PLCG2: variants seen among roughly 807,000 people sequenced by gnomAD.
The protein encoded by PLCG2 is 1-phosphatidylinositol 4,5-bisphosphate phosphodiesterase gamma-2.
A neutral mutation model predicts 175.6 loss-of-function variants in PLCG2; 69 were observed. The observed-to-expected ratio is 0.39, with a 90% CI of 0.32 to 0.48. The LOEUF (loss-of-function observed/expected upper bound fraction) is 0.48. PLCG2 is among the 20% of genes least tolerant of loss of function. The probability of loss-of-function intolerance (pLI) is 0.91; values close to 1 mark genes in which losing one functional copy is unlikely to be tolerated. For missense variants in PLCG2, 1,798 were observed against 1,650.9 expected (o/e 1.09, Z -1.54); for synonymous variants, 827 against 624.0 (o/e 1.33, Z -4.85).
At position 81,829,945 on chromosome 16, in the gene PLCG2, C is replaced by T. The variant is rs371905149; in HGVS notation, c.194-24499C>T. On this transcript the variant is annotated intron_variant, in intron 2 of 32. Transcript: ENST00000564138. ...GCTTATTCTACCTCTCGGTGGCATC[C>T]CCACTAGGTGCCAGGCACTTTCCTG... 4.6e-5 allele frequency among the ~76,000 whole-genome samples: 7 copies of T among 151,948 alleles called. No homozygotes were observed. The South Asian group carries it at 6.3e-4, about 14-fold the overall frequency.
chr16:81,868,004 C>T (rs4627338), intron 5 of PLCG2, among the ~76,000 whole-genome samples: 11,031 of 152,232 alleles, frequency 0.072, 412 homozygotes, highest in Middle Eastern at 0.1. Flanking sequence ...GCCTGGCCCT[C>T]GCTTCCCGCT....
intron 2 of PLCG2, among the ~76,000 whole-genome samples, chr16:81,838,612 G>C (rs1905650127): frequency 6.6e-6 from 1 of 151,880 alleles, no homozygotes; most frequent in Non-Finnish European, 1.5e-5. Flanking sequence ...CCTGTCAGGG[G>C]GTGGGGGCAA....
At chr16:81,778,039 A>AAAAAAC (rs1910504923), upstream of PLCG2, among the ~76,000 whole-genome samples, 6 of 80,426 alleles carry the variant, frequency 7.5e-5, no homozygotes, top group South Asian at 5.3e-4. Flanking sequence ...AAACAAAAAA[A>AAAAAAC]AAACAAAAAA....
upstream of PLCG2, among the ~76,000 whole-genome samples, chr16:81,774,442 G>T (rs1307333830): frequency 6.6e-6 from 1 of 152,208 alleles, no homozygotes; most frequent in Non-Finnish European, 1.5e-5. Context: ...TCCAGAAGCA[G>T]TGAGGCCTAA....
intron 2 of PLCG2, among the ~76,000 whole-genome samples, chr16:81,793,880 T>C (rs753475282): frequency 6.6e-6 from 1 of 152,166 alleles, no homozygotes; most frequent in Non-Finnish European, 1.5e-5. Flanking sequence ...AGAGCTACAA[T>C]TTGAACTTGT....
At chr16:81,774,628 T>G (rs6564915), upstream of PLCG2, among the ~76,000 whole-genome samples, 112,691 of 151,548 alleles carry the variant, frequency 0.74, 43,607 homozygotes, top group Non-Finnish European at 0.86. Context: ...GGTAGAGGGG[T>G]AGGGTTGGCG....
chr16:81,934,396 G>C lies in PLCG2; in HGVS notation c.2740-33G>C, dbSNP rs1455942147. ...GAGCTGGGAAGATGGGATTTCTCGGGGGCGGGCACTAAAGACAGTGAACTC... is the reference window on the plus strand; with the variant it reads ...GAGCTGGGAAGATGGGATTTCTCGGCGGCGGGCACTAAAGACAGTGAACTC... On this transcript the variant is annotated intron_variant, in intron 25 of 32. Transcript: ENST00000564138. 3.0e-6 allele frequency: 4 copies of C among 1,338,354 alleles called. No homozygotes were observed. The East Asian group carries it at 6.9e-5, about 23-fold the overall frequency. 82.9% of individuals were successfully genotyped at this position (1,338,354 alleles called of 1,614,324 possible). A position where few individuals can be genotyped will look rare whatever the true frequency, so the allele number is the denominator to read the frequency against.
In PLCG2 at chr16:81,831,307, G is replaced by A. The variant is rs182276717; in HGVS notation, c.194-23137G>A. Among the ~76,000 whole-genome samples the A allele has an allele frequency of 3.9e-5, 6 of 152,294 alleles. No individual in the cohort carries two copies. In the East Asian group the frequency reaches 5.8e-4, roughly 15 times the overall value. ...CAGCTCCCAGAACAGTGCCTGGCAC[G>A]CTGGCTTTTACCTACTCTTTGTTGA... On this transcript the variant is annotated intron_variant, in intron 2 of 32. Transcript: ENST00000564138.
At chr16:81,775,940 C>T (rs1466508398), upstream of PLCG2, among the ~76,000 whole-genome samples, 12 of 151,704 alleles carry the variant, frequency 7.9e-5, no homozygotes, top group Admixed American at 7.9e-4. Context: ...TGCCCATGGG[C>T]TCTGACACCA....
chr16:81,906,892 G>A (rs1909393772), intron 15 of PLCG2, among the ~76,000 whole-genome samples: 1 of 152,116 alleles, frequency 6.6e-6, no homozygotes, highest in South Asian at 2.1e-4. Context: ...ACAAAAATAA[G>A]TTGGGCATGG....
intron 2 of PLCG2, among the ~76,000 whole-genome samples, chr16:81,803,141 C>T (rs368524158): frequency 5.7e-5 from 7 of 122,210 alleles, no homozygotes; most frequent in African/African-American, 1.5e-4. Flanking sequence ...TTTTGTGAGA[C>T]GGAATCTCAC....
intron 23 of PLCG2, among the ~76,000 whole-genome samples, chr16:81,928,182 G>C (rs1055411961): frequency 6.6e-6 from 1 of 152,144 alleles, no homozygotes; most frequent in African/African-American, 2.4e-5. Flanking sequence ...GACATGGGGA[G>C]CCACAGAAGG....
intron 15 of PLCG2, chr16:81,906,207 C>T (rs1460326243): frequency 6.6e-6 from 1 of 152,144 alleles, no homozygotes; most frequent in East Asian, 1.9e-4. Context: ...AGGCTATTTT[C>T]CTGTTTCAGG....
chr16:81,883,789 T>C (rs1202341810), intron 9 of PLCG2, among the ~76,000 whole-genome samples: 1 of 152,198 alleles, frequency 6.6e-6, no homozygotes, highest in Non-Finnish European at 1.5e-5. Context: ...TAGCACAGCT[T>C]TCCTTAAACA....
At position 81,797,295 on chromosome 16, in the gene PLCG2, T is replaced by G. The variant is rs769947246; in HGVS notation, c.193+11113T>G. ...GAATCATTTTTGAAAAAAAAAAAATTATCTCCACTACCTGTCCCCTAGTCT... is the reference window on the plus strand; with the variant it reads ...GAATCATTTTTGAAAAAAAAAAAATGATCTCCACTACCTGTCCCCTAGTCT... On this transcript the variant is annotated intron_variant, in intron 2 of 32. Coordinates refer to ENST00000564138, the MANE Select transcript of PLCG2 (RefSeq NM_002661.5). Among the ~76,000 whole-genome samples, 5 of 152,110 alleles carry G rather than the reference T, an allele frequency of 3.3e-5. No individual in the cohort carries two copies. The South Asian group carries it at 1.0e-3, about 32-fold the overall frequency.
chr16:81,752,013 G>A (rs2143067485), intron 1 of PLCG2, among the ~76,000 whole-genome samples: 1 of 151,818 alleles, frequency 6.6e-6, no homozygotes, highest in South Asian at 2.1e-4. Flanking sequence ...CAAAGCAAGA[G>A]TCTATCTCAA....
At chr16:81,938,558 T>C in intron 28 of PLCG2, 2 of 540,512 alleles carry the variant, frequency 3.7e-6, no homozygotes, top group African/African-American at 3.8e-5. Flanking sequence ...TCAGGTGAGT[T>C]TTACCTGTTG....
chr16:81,913,465 C>G (rs1909717349), intron 19 of PLCG2, among the ~76,000 whole-genome samples: 1 of 152,226 alleles, frequency 6.6e-6, no homozygotes, highest in Admixed American at 6.5e-5. Flanking sequence ...CCTGGAGTCA[C>G]ACAGCCTCAT....
rs749437141 is a variant in PLCG2 at position 81,786,067 on chromosome 16, G to C, written c.78G>C (p.Thr26=). 1.2e-5 allele frequency: 20 copies of C among 1,614,034 alleles called. No homozygotes were observed. Among genetic ancestry groups the C allele is most frequent in the Non-Finnish European group, 1.5e-5 (18 of 1,179,998 alleles). Residue 26 remains threonine, a synonymous_variant, in exon 2 of 33, where the codon ACG becomes ACC. Transcript: ENST00000564138. The part of the protein sequence containing the change: ...SQIKRALELG[T]VMTVFSFRKS... ...TCAAGAGAGCCCTGGAGCTGGGGAC[G>C]GTGATGACTGTGTTCAGCTTCCGCA...
Sources: gnomAD v4.1 joint callset for allele counts (sites outside exome capture counted in the v4.1 genomes callset) on GRCh38, gnomAD v4.1.1 for gene constraint, MANE v1.5 for transcripts, NCBI Gene and HGNC (gene_info 2026-07-23, HGNC 2026-07-21) for gene names.